The following ADCYAP1R1 variants were observed in gnomAD, a reference collection of about 807,000 sequenced individuals.
ADCYAP1R1 encodes the protein ADCYAP receptor type I.
In ADCYAP1R1, 44 loss-of-function variants were observed where a neutral mutation model predicts 67.6. That is an observed-to-expected ratio of 0.65 (90% CI 0.51 to 0.84). The LOEUF (loss-of-function observed/expected upper bound fraction) is 0.84. ADCYAP1R1 is among the 40% of genes least tolerant of loss of function. The pLI is 0.00. For synonymous variants in ADCYAP1R1, 222 were observed against 219.6 expected (o/e 1.01, Z -0.10); for missense variants, 477 against 587.9 (o/e 0.81, Z 1.95).
chr7:31,077,669 A>G (rs1227331935), intron 3 of ADCYAP1R1, among the ~76,000 whole-genome samples: 23 of 93,498 alleles, frequency 2.5e-4, no homozygotes, highest in South Asian at 1.1e-3. Flanking sequence ...TGTGTGGTGT[A>G]TGTGTGAGTG....
chr7:31,077,192 G>A (rs1374697235), intron 3 of ADCYAP1R1, among the ~76,000 whole-genome samples: 2 of 152,254 alleles, frequency 1.3e-5, no homozygotes, highest in African/African-American at 4.8e-5. Flanking sequence ...GCAAGGGCCT[G>A]GCTTGTAAGC....
In ADCYAP1R1 at chr7:31,106,866, T is replaced by C. The variant is rs1796670929; in HGVS notation, c.*182T>C. On this transcript the variant is annotated 3_prime_UTR_variant, in exon 16 of 16. Transcript: ENST00000304166. Reference sequence around the variant, plus strand: ...AATTGTCCCCTCCTTGTTTTGGTACTGGTCCCACCCACTGTGGTCCCCTGG... The same window carrying C: ...AATTGTCCCCTCCTTGTTTTGGTACCGGTCCCACCCACTGTGGTCCCCTGG... 1.4e-6 allele frequency: 1 copy of C among 728,400 alleles called. No homozygotes were observed. The highest frequency in any genetic ancestry group is 2.2e-6 in the Non-Finnish European group (1 of 464,354). The allele number at this position is 728,400 out of a possible 1,614,324, so 45.1% of individuals were successfully genotyped here.
chr7:31,070,600 G>T (rs749814497), intron 3 of ADCYAP1R1, among the ~76,000 whole-genome samples: 5 of 152,218 alleles, frequency 3.3e-5, no homozygotes, highest in Non-Finnish European at 7.3e-5. Context: ...GGGCCTCTCA[G>T]CTGCTCTGAG....
chr7:31,066,924 A>C (rs73309775), intron 3 of ADCYAP1R1, among the ~76,000 whole-genome samples: 2,061 of 152,244 alleles, frequency 0.014, 39 homozygotes, highest in African/African-American at 0.046. Flanking sequence ...TCAGTATTGG[A>C]GCAGATGGGT....
At chr7:31,052,713 C>G (rs1562620605) in intron 1 of ADCYAP1R1, 35 bp downstream of exon 1, 2 of 121,222 alleles carry the variant, frequency 1.6e-5, no homozygotes, top group Non-Finnish European at 3.3e-5. Context: ...CCCCTCCACG[C>G]CTCGGCCGTC....
In ADCYAP1R1 at chr7:31,085,397, G is replaced by T. The variant is rs762991577; in HGVS notation, c.624G>T (p.Trp208Cys). ...LRAISVFIKD[W>C]ILYAEQDSNH... is the part of the protein sequence containing the mutation. ...CGATCTCCGTCTTCATCAAAGACTG[G>T]ATTCTGTATGCGGAGCAGGACAGCA... The change falls in exon 9 of 16, where the codon TGG becomes TGT. Residue 208 changes from tryptophan to cysteine, a missense_variant. By Grantham distance (215) the Trp-to-Cys change is radical (BLOSUM62 -2). Coordinates refer to ENST00000304166, the MANE Select transcript of ADCYAP1R1 (RefSeq NM_001118.5). 6.2e-7 allele frequency: 1 copy of T among 1,613,978 alleles called. No homozygotes were observed. Among genetic ancestry groups the T allele is most frequent in the Non-Finnish European group, 8.5e-7 (1 of 1,180,024 alleles).
At chr7:31,065,591 G>C (rs947199169) in intron 3 of ADCYAP1R1, among the ~76,000 whole-genome samples, 4 of 152,178 alleles carry the variant, frequency 2.6e-5, no homozygotes, top group African/African-American at 9.7e-5. Flanking sequence ...CAAGGGAGTG[G>C]CACGATCCCT....
At chr7:31,081,046 G>A (rs1227347956) in intron 5 of ADCYAP1R1, among the ~76,000 whole-genome samples, 1 of 152,222 alleles carries the variant, frequency 6.6e-6, no homozygotes, top group Non-Finnish European at 1.5e-5. Context: ...GAACAGAAGA[G>A]CAAATGATGC....
chr7:31,092,314 T>C (rs1433532630), intron 12 of ADCYAP1R1, among the ~76,000 whole-genome samples: 1 of 151,926 alleles, frequency 6.6e-6, no homozygotes, highest in Non-Finnish European at 1.5e-5. Flanking sequence ...ACTTCTGCAA[T>C]AGTCTTACTT....
intron 13 of ADCYAP1R1, among the ~76,000 whole-genome samples, chr7:31,094,901 T>G (rs978900529): frequency 6.6e-6 from 1 of 152,186 alleles, no homozygotes; most frequent in Non-Finnish European, 1.5e-5. Context: ...AGCAAATCTT[T>G]TTTTTTTAGA....
intron 12 of ADCYAP1R1, among the ~76,000 whole-genome samples, chr7:31,089,524 A>G (rs746560695): frequency 6.0e-5 from 9 of 150,642 alleles, no homozygotes; most frequent in Non-Finnish European, 1.3e-4. Flanking sequence ...ATGGCTATTT[A>G]TAGTATTCCA....
At chr7:31,093,144 C>T (rs1796036986) in intron 13 of ADCYAP1R1, among the ~76,000 whole-genome samples, 1 of 152,180 alleles carries the variant, frequency 6.6e-6, no homozygotes, top group African/African-American at 2.4e-5. Flanking sequence ...GACCCCCAGC[C>T]CAGACTGTGG....
At position 31,107,023 on chromosome 7, in the gene ADCYAP1R1, A is replaced by G. The variant is rs1796677115; in HGVS notation, c.*339A>G. On this transcript the variant is annotated 3_prime_UTR_variant, in exon 16 of 16. Coordinates refer to ENST00000304166, the MANE Select transcript of ADCYAP1R1 (RefSeq NM_001118.5). Reference sequence around the variant, plus strand: ...ACCCCACTGTTTCTTGGTCAGCCTCAGTGATGGCCTGACCCCAGCTGTGAG... The same window carrying G: ...ACCCCACTGTTTCTTGGTCAGCCTCGGTGATGGCCTGACCCCAGCTGTGAG... 1 of 269,546 alleles carries G rather than the reference A, an allele frequency of 3.7e-6. No individual in the cohort carries two copies. The highest frequency in any genetic ancestry group is 2.2e-5 in the African/African-American group (1 of 44,970). The allele number at this position is 269,546 out of a possible 1,614,324, so 16.7% of individuals were successfully genotyped here. A position where few individuals can be genotyped will look rare whatever the true frequency, so the allele number is the denominator to read the frequency against.
intron 3 of ADCYAP1R1, among the ~76,000 whole-genome samples, chr7:31,066,573 G>A (rs2128618641): frequency 6.7e-6 from 1 of 149,802 alleles, no homozygotes; most frequent in East Asian, 1.9e-4. Flanking sequence ...TTTGTGGGAA[G>A]GATTCATATA....
intron 13 of ADCYAP1R1, among the ~76,000 whole-genome samples, chr7:31,094,918 CA>C (rs1179402818): frequency 1.3e-5 from 2 of 151,316 alleles, no homozygotes; most frequent in African/African-American, 4.9e-5. Context: ...TAGAGAAAGT[CA>C]AACCTCTGCT....
intron 4 of ADCYAP1R1, among the ~76,000 whole-genome samples, chr7:31,079,133 G>T (rs1795406439): frequency 6.6e-6 from 1 of 152,216 alleles, no homozygotes; most frequent in Non-Finnish European, 1.5e-5. Flanking sequence ...ATTGCAGGGG[G>T]TGTCTGAGGG....
intron 1 of ADCYAP1R1, among the ~76,000 whole-genome samples, chr7:31,054,126 CA>C (rs1794142734): frequency 6.6e-6 from 1 of 152,156 alleles, no homozygotes; most frequent in Admixed American, 6.5e-5. Context: ...TCTGAACATA[CA>C]GATTGGAGGT....
chr7:31,092,634 T>C lies in ADCYAP1R1; in HGVS notation c.955-10T>C. On this transcript the variant is annotated splice_polypyrimidine_tract_variant and intron_variant, in intron 12 of 15. Transcript: ENST00000304166. ...CATGTCCATCTGCTTTTTTTTTTTT[T>C]GCTCCTTAGGTTAACTTTGTGCTTT... The C allele has an allele frequency of 6.3e-7, 1 of 1,598,702 alleles. No individual in the cohort carries two copies. Among genetic ancestry groups the C allele is most frequent in the Non-Finnish European group, 8.5e-7 (1 of 1,174,328 alleles).
intron 6 of ADCYAP1R1, among the ~76,000 whole-genome samples, chr7:31,082,682 A>G (rs959744831): frequency 2.6e-5 from 4 of 152,138 alleles, no homozygotes; most frequent in Admixed American, 2.6e-4. Context: ...CCTGAGACAG[A>G]TTTGCTGGAA....
Sources: gnomAD v4.1 joint callset for allele counts (sites outside exome capture counted in the v4.1 genomes callset) on GRCh38, gnomAD v4.1.1 for gene constraint, MANE v1.5 for transcripts, NCBI Gene and HGNC (gene_info 2026-07-23, HGNC 2026-07-21) for gene names.